Variants in HS2ST1 observed in about 807,000 individuals in gnomAD.
HS2ST1 encodes the protein heparan sulfate 2-O-sulfotransferase 1.
HS2ST1 carries 18 observed loss-of-function variants against 42.9 expected under a neutral mutation model. The observed-to-expected ratio is 0.42, with a 90% CI of 0.29 to 0.62. The LOEUF (loss-of-function observed/expected upper bound fraction) is 0.62, where lower values mean the gene tolerates loss of function less well. Among genes scored for constraint, HS2ST1 ranks in the 20% least tolerant of loss-of-function variants. The pLI is 0.21. For missense variants in HS2ST1, 334 were observed against 433.8 expected (o/e 0.77, Z 2.04); for synonymous variants, 146 against 152.9 (o/e 0.95, Z 0.33).
rs370670803 is a variant in HS2ST1, at chr1:87,064,713, C to T, written c.125-8221C>T. ...GCTTGCTCTGTCATCCAGGCTGGAGCGCAGTGGTGTGAACATGGCTCACTG... is the reference window on the plus strand; with the variant it reads ...GCTTGCTCTGTCATCCAGGCTGGAGTGCAGTGGTGTGAACATGGCTCACTG... On this transcript the variant is annotated intron_variant, in intron 1 of 6. Coordinates refer to ENST00000370550, the MANE Select transcript of HS2ST1 (RefSeq NM_012262.4). Among the ~76,000 whole-genome samples, 12 of 152,206 alleles carry T rather than the reference C, an allele frequency of 7.9e-5. No homozygotes were observed. In the East Asian group the frequency reaches 2.1e-3, roughly 27 times the overall value.
At chr1:87,081,338 A>C (rs1220662787) in intron 2 of HS2ST1, among the ~76,000 whole-genome samples, 3 of 152,214 alleles carry the variant, frequency 2.0e-5, no homozygotes, top group Non-Finnish European at 2.9e-5. Flanking sequence ...AAAGTTCAAA[A>C]AAAAATTGAA....
intron 1 of HS2ST1, among the ~76,000 whole-genome samples, chr1:87,030,986 C>T (rs1252801343): frequency 6.6e-6 from 1 of 152,120 alleles, no homozygotes; most frequent in East Asian, 1.9e-4. Flanking sequence ...GTTGCCCAGG[C>T]TGGAGTACAG....
intron 1 of HS2ST1, among the ~76,000 whole-genome samples, chr1:86,961,795 A>T (rs1057369553): frequency 6.6e-6 from 1 of 152,082 alleles, no homozygotes; most frequent in Admixed American, 6.6e-5. Flanking sequence ...TCCCCTCATA[A>T]CTTTTAATCT....
At chr1:87,075,505 C>G (rs1227323543) in intron 2 of HS2ST1, among the ~76,000 whole-genome samples, 1 of 152,074 alleles carries the variant, frequency 6.6e-6, no homozygotes, top group Non-Finnish European at 1.5e-5. Context: ...CTTTTTTCTT[C>G]TCTAAGAAAT....
chr1:87,046,283 C>G, intron 1 of HS2ST1: 1 of 736,650 alleles, frequency 1.4e-6, no homozygotes, highest in East Asian at 2.9e-5. Context: ...CTAAGCCAAC[C>G]CAGAGAACCT....
intron 1 of HS2ST1, among the ~76,000 whole-genome samples, chr1:86,917,745 A>T (rs541136199): frequency 1.8e-4 from 27 of 152,350 alleles, no homozygotes; most frequent in Admixed American, 1.7e-3. Flanking sequence ...ATAGAGTTTT[A>T]AAATTGTAAT....
chr1:86,987,703 T>G (rs1648831725), intron 1 of HS2ST1, among the ~76,000 whole-genome samples: 1 of 152,212 alleles, frequency 6.6e-6, no homozygotes, highest in East Asian at 1.9e-4. Context: ...TTATCTCCTG[T>G]TAGTCTGTCT....
chr1:87,070,995 G>GTAT (rs1651390309), intron 1 of HS2ST1, among the ~76,000 whole-genome samples: 1 of 152,100 alleles, frequency 6.6e-6, no homozygotes, highest in East Asian at 1.9e-4. Context: ...ATCCAACAGT[G>GTAT]TATTCAATAT....
At chr1:87,103,377 A>G in intron 5 of HS2ST1, 55 bp from the exon 6 acceptor site, 1 of 1,505,306 alleles carries the variant, frequency 6.6e-7, no homozygotes, top group South Asian at 1.3e-5. Flanking sequence ...CAAAGGCACC[A>G]GAAACACTCA....
intron 1 of HS2ST1, among the ~76,000 whole-genome samples, chr1:86,980,687 A>G (rs1648552235): frequency 6.6e-6 from 1 of 152,240 alleles, no homozygotes; most frequent in Admixed American, 6.5e-5. Flanking sequence ...ATTTATACCA[A>G]GTAAATCCAA....
chr1:87,013,880 G>A (rs1186386632), intron 1 of HS2ST1, among the ~76,000 whole-genome samples: 1 of 152,118 alleles, frequency 6.6e-6, no homozygotes, highest in African/African-American at 2.4e-5. Context: ...GGTCTCCAGG[G>A]CAGGGGCACA....
chr1:86,938,457 G>A (rs1210741247), intron 1 of HS2ST1, among the ~76,000 whole-genome samples: 1 of 151,890 alleles, frequency 6.6e-6, no homozygotes, highest in Admixed American at 6.6e-5. Context: ...TTTTTCTTCA[G>A]CTTTTTAATT....
At chr1:87,077,494 C>T (rs548101186) in intron 2 of HS2ST1, among the ~76,000 whole-genome samples, 2 of 152,154 alleles carry the variant, frequency 1.3e-5, no homozygotes, top group Admixed American at 1.3e-4. Context: ...TTAGAAAAAC[C>T]ATGCCTGGCC....
intron 1 of HS2ST1, among the ~76,000 whole-genome samples, chr1:87,014,130 C>T (rs1649682537): frequency 6.6e-6 from 1 of 152,192 alleles, no homozygotes; most frequent in Non-Finnish European, 1.5e-5. Context: ...AACAGCACCC[C>T]ACTACCTCAG....
intron 1 of HS2ST1, among the ~76,000 whole-genome samples, chr1:87,057,334 G>A (rs2100619323): frequency 6.6e-6 from 1 of 152,228 alleles, no homozygotes; most frequent in Non-Finnish European, 1.5e-5. Flanking sequence ...TCAGAATGCT[G>A]GCTTATAGGA....
intron 1 of HS2ST1, among the ~76,000 whole-genome samples, chr1:86,976,588 C>A (rs1050625019): frequency 1.3e-5 from 2 of 151,060 alleles, no homozygotes; most frequent in Non-Finnish European, 2.9e-5. Flanking sequence ...CCACTTTTGA[C>A]AAATTCAATG....
At chr1:87,084,742 C>CT (rs1370823000) in intron 3 of HS2ST1, among the ~76,000 whole-genome samples, 7 of 152,166 alleles carry the variant, frequency 4.6e-5, no homozygotes, top group Admixed American at 3.3e-4. Context: ...TATTACGAGG[C>CT]TTTTTTAAAA....
At chr1:86,963,293 A>G (rs903184376) in intron 1 of HS2ST1, among the ~76,000 whole-genome samples, 1 of 152,150 alleles carries the variant, frequency 6.6e-6, no homozygotes, top group African/African-American at 2.4e-5. Flanking sequence ...TTTCCTAGGC[A>G]GAGGATCCTG....
intron 1 of HS2ST1, among the ~76,000 whole-genome samples, chr1:86,951,501 A>G (rs186767158): frequency 3.0e-4 from 45 of 152,244 alleles, no homozygotes; most frequent in African/African-American, 1.1e-3. Context: ...TGTCTAAAGA[A>G]ACAATGCACA....
Sources: allele counts gnomAD v4.1 joint callset (sites outside exome capture counted in the v4.1 genomes callset), GRCh38; gene constraint gnomAD v4.1.1; transcripts MANE v1.5; gene names NCBI Gene and HGNC (gene_info 2026-07-23, HGNC 2026-07-21).